GRIK4: variants seen among roughly 807,000 people sequenced by gnomAD.
GRIK4 encodes the protein glutamate ionotropic receptor kainate type subunit 4.
Under a neutral mutation model 104.9 loss-of-function variants are expected in GRIK4, and 40 were observed. The ratio of observed to expected loss-of-function variants is 0.38; its 90% CI spans 0.30 to 0.50. The LOEUF (loss-of-function observed/expected upper bound fraction) is 0.50, where lower values mean the gene tolerates loss of function less well. GRIK4 is among the 20% of genes least tolerant of loss of function. The pLI, the probability that GRIK4 is intolerant of heterozygous loss-of-function variation, is 0.93. For missense variants in GRIK4, 1,047 were observed against 1,308.1 expected, an observed-to-expected ratio of 0.80 and a Z score of 3.08; for synonymous variants, 485 against 524.9, an observed-to-expected ratio of 0.92 and a Z score of 1.04.
intron 3 of GRIK4, among the ~76,000 whole-genome samples, chr11:120,757,656 G>A (rs1951676061): frequency 6.6e-6 from 1 of 152,110 alleles, no homozygotes; most frequent in South Asian, 2.1e-4. Context: ...TTTCAAAATA[G>A]GGCTTGGGCT....
intron 1 of GRIK4, among the ~76,000 whole-genome samples, chr11:120,578,999 G>A (rs1242425595): frequency 1.3e-5 from 2 of 152,164 alleles, no homozygotes; most frequent in African/African-American, 2.4e-5. Context: ...CTTCTGCCAC[G>A]TGGAAGCCAT....
At chr11:120,656,647 G>T (rs1949714155) in intron 2 of GRIK4, among the ~76,000 whole-genome samples, 1 of 152,150 alleles carries the variant, frequency 6.6e-6, no homozygotes. Context: ...GATCACCTGA[G>T]GTCAGGAGTT....
chr11:120,969,662 A>G (rs1480720089), intron 19 of GRIK4, among the ~76,000 whole-genome samples: 1 of 152,186 alleles, frequency 6.6e-6, no homozygotes, highest in Non-Finnish European at 1.5e-5. Flanking sequence ...ATGTTGCTCT[A>G]TGATAACAAT....
intron 5 of GRIK4, among the ~76,000 whole-genome samples, chr11:120,816,719 G>C (rs1261289566): frequency 4.6e-5 from 7 of 152,026 alleles, no homozygotes; most frequent in African/African-American, 1.7e-4. Flanking sequence ...CCGATTTTAG[G>C]AGCCCACTCT....
At chr11:120,553,600 G>A (rs761793119) in intron 1 of GRIK4, among the ~76,000 whole-genome samples, 1 of 152,188 alleles carries the variant, frequency 6.6e-6, no homozygotes, top group African/African-American at 2.4e-5. Context: ...GTAGGGAAAA[G>A]AAGGTTTGAC....
At chr11:120,576,741 C>T (rs1346855887) in intron 1 of GRIK4, among the ~76,000 whole-genome samples, 1 of 152,166 alleles carries the variant, frequency 6.6e-6, no homozygotes, top group African/African-American at 2.4e-5. Flanking sequence ...AACAAGGCCA[C>T]GGTCATGCTA....
chr11:120,559,416 G>C (rs1048643160), intron 1 of GRIK4, among the ~76,000 whole-genome samples: 1 of 152,196 alleles, frequency 6.6e-6, no homozygotes, highest in African/African-American at 2.4e-5. Context: ...GGGACTCCTA[G>C]TCCTGACCAG....
intron 3 of GRIK4, among the ~76,000 whole-genome samples, chr11:120,709,816 T>C (rs953980010): frequency 2.6e-5 from 4 of 152,162 alleles, no homozygotes; most frequent in Non-Finnish European, 4.4e-5. Context: ...CAGAGTAGTG[T>C]AGAAGACAGA....
chr11:120,853,310 G>A (rs766694113), intron 8 of GRIK4, among the ~76,000 whole-genome samples: 25 of 152,130 alleles, frequency 1.6e-4, no homozygotes, highest in African/African-American at 2.7e-4. Flanking sequence ...AGTATTCGGT[G>A]AGGGGGAAGT....
chr11:120,672,511 A>C (rs759530747), intron 3 of GRIK4, among the ~76,000 whole-genome samples: 6 of 152,244 alleles, frequency 3.9e-5, no homozygotes, highest in African/African-American at 1.4e-4. Context: ...CGAATCTGTG[A>C]ATTACTTTGG....
At chr11:120,855,253 A>G (rs536711412) in intron 8 of GRIK4, among the ~76,000 whole-genome samples, 1 of 152,328 alleles carries the variant, frequency 6.6e-6, no homozygotes, top group South Asian at 2.1e-4. Flanking sequence ...TCTTAGCCAC[A>G]CAAGCCTGCA....
intron 3 of GRIK4, among the ~76,000 whole-genome samples, chr11:120,769,802 G>T (rs1951907465): frequency 6.6e-6 from 1 of 152,150 alleles, no homozygotes; most frequent in Non-Finnish European, 1.5e-5. Context: ...GTTTTTGAGG[G>T]TCTGCAAGAA....
chr11:120,726,936 T>C (rs1484450391), intron 3 of GRIK4, among the ~76,000 whole-genome samples: 1 of 152,158 alleles, frequency 6.6e-6, no homozygotes, highest in Non-Finnish European at 1.5e-5. Flanking sequence ...CGGGAGTATT[T>C]CCATGAACTT....
intron 1 of GRIK4, among the ~76,000 whole-genome samples, chr11:120,554,623 A>T (rs1948170804): frequency 6.7e-6 from 1 of 150,228 alleles, no homozygotes. Context: ...CAGTGGCGCG[A>T]TCTCTGCTCA....
Position 120,922,949 on chromosome 11 carries a change from G to A in GRIK4, c.1477-17398G>A, listed in dbSNP as rs563908286. ...AGAAATAGCAGCATGTAGTATGGTC[G>A]ATGCATTTGGACTGCACTGAAAGGC... On this transcript the variant is annotated intron_variant, in intron 13 of 20. Coordinates refer to ENST00000527524, the MANE Select transcript of GRIK4 (RefSeq NM_014619.5). Among the ~76,000 whole-genome samples the A allele has an allele frequency of 3.9e-5, 6 of 152,308 alleles. No individual in the cohort carries two copies. In the East Asian group the frequency reaches 5.8e-4, roughly 15 times the overall value.
chr11:120,914,036 C>T (rs111716733), intron 13 of GRIK4, among the ~76,000 whole-genome samples: 3,839 of 152,296 alleles, frequency 0.025, 63 homozygotes, highest in Non-Finnish European at 0.038. Flanking sequence ...CCGAGCTCAG[C>T]GAGGGCTTTG....
At chr11:120,551,445 G>A (rs930448984) in intron 1 of GRIK4, among the ~76,000 whole-genome samples, 1 of 152,142 alleles carries the variant, frequency 6.6e-6, no homozygotes, top group Non-Finnish European at 1.5e-5. Flanking sequence ...CAGGCAGGCC[G>A]TTCTGCATCC....
At chr11:120,919,453 G>A (rs1409450507) in intron 13 of GRIK4, among the ~76,000 whole-genome samples, 3 of 152,152 alleles carry the variant, frequency 2.0e-5, no homozygotes, top group South Asian at 2.1e-4. Context: ...GTCCTTGAAC[G>A]AGTAGCATCA....
At chr11:120,654,241 C>A (rs990092695) in intron 2 of GRIK4, among the ~76,000 whole-genome samples, 1 of 152,160 alleles carries the variant, frequency 6.6e-6, no homozygotes, top group Non-Finnish European at 1.5e-5. Context: ...GTTTTTGTTG[C>A]GTGAGCTTGG....
Sources: allele counts gnomAD v4.1 joint callset (sites outside exome capture counted in the v4.1 genomes callset), GRCh38; gene constraint gnomAD v4.1.1; transcripts MANE v1.5; gene names NCBI Gene and HGNC (gene_info 2026-07-23, HGNC 2026-07-21).